Variants in HPCAL1 observed in about 807,000 individuals in gnomAD.
HPCAL1 encodes hippocalcin-like protein 1.
Under a neutral mutation model 17.1 loss-of-function variants are expected in HPCAL1, and 8 were observed. The ratio of observed to expected loss-of-function variants is 0.47; its 90% confidence interval spans 0.27 to 0.84. HPCAL1 has a LOEUF of 0.84. HPCAL1 is among the 40% of genes least tolerant of loss of function. The pLI, the probability that HPCAL1 is intolerant of heterozygous loss-of-function variation, is 0.13. For missense variants in HPCAL1, 165 were observed against 271.1 expected (o/e 0.61, Z 2.75); for synonymous variants, 112 against 111.4 (o/e 1.01, Z -0.03).
chr2:10,402,499 A>C (rs190152203), intron 2 of HPCAL1, among the ~76,000 whole-genome samples: 4 of 152,114 alleles, frequency 2.6e-5, no homozygotes, highest in African/African-American at 7.2e-5. Context: ...CACACTCTCT[A>C]TGAGTCAGAG....
Position 10,364,331 on chromosome 2 carries a change from C to T in HPCAL1, c.-110-32504C>T, listed in dbSNP as rs575144709. Reference sequence around the variant, plus strand: ...AAGGACTGGCCAGAGCCCTGAGCACCGAGAGGTGAGGGTGAGGCCCCCCCT... The same window carrying T: ...AAGGACTGGCCAGAGCCCTGAGCACTGAGAGGTGAGGGTGAGGCCCCCCCT... On this transcript the variant is annotated intron_variant, in intron 1 of 4. Coordinates refer to ENST00000307845, the MANE Select transcript of HPCAL1 (RefSeq NM_002149.4). 7.5e-4 allele frequency among the ~76,000 whole-genome samples: 114 copies of T among 152,340 alleles called. No homozygotes were observed. The South Asian group carries it at 0.021, about 28-fold the overall frequency.
At chr2:10,426,371 A>C in intron 4 of HPCAL1, 1 of 224,574 alleles carries the variant, frequency 4.5e-6, no homozygotes, top group Non-Finnish European at 9.0e-6. Flanking sequence ...TGGATTCTGT[A>C]TGGGTTAGAG....
At chr2:10,389,348 C>T (rs1668536157) in intron 1 of HPCAL1, among the ~76,000 whole-genome samples, 1 of 152,234 alleles carries the variant, frequency 6.6e-6, no homozygotes. Flanking sequence ...GGAACAGTCC[C>T]TCTGCTGCCG....
chr2:10,349,545 T>C (rs762784902), intron 1 of HPCAL1, among the ~76,000 whole-genome samples: 4 of 150,790 alleles, frequency 2.7e-5, no homozygotes, highest in Non-Finnish European at 5.9e-5. Context: ...CTACTAAATA[T>C]ACAAAAAATT....
chr2:10,308,546 C>T (rs1662766261), intron 1 of HPCAL1, among the ~76,000 whole-genome samples: 2 of 152,104 alleles, frequency 1.3e-5, no homozygotes, highest in African/African-American at 2.4e-5. Flanking sequence ...TTGGGCCTTC[C>T]TAGAGTCTTC....
intron 1 of HPCAL1, among the ~76,000 whole-genome samples, chr2:10,381,741 A>G (rs1667953649): frequency 6.6e-6 from 1 of 152,240 alleles, no homozygotes; most frequent in South Asian, 2.1e-4. Context: ...ACCGATGAGA[A>G]TGGCCCAAAT....
chr2:10,370,145 CT>C (rs1256617391), intron 1 of HPCAL1, among the ~76,000 whole-genome samples: 2 of 152,258 alleles, frequency 1.3e-5, no homozygotes, highest in Admixed American at 6.5e-5. Flanking sequence ...TGCGCACCCT[CT>C]TTCCACTCTC....
chr2:10,413,739 C>T (rs1670487309), intron 2 of HPCAL1, among the ~76,000 whole-genome samples: 1 of 152,218 alleles, frequency 6.6e-6, no homozygotes, highest in Admixed American at 6.5e-5. Flanking sequence ...ATGAGTTTGG[C>T]ATTCCAATGG....
At chr2:10,313,183 G>T (rs1274807652) in intron 1 of HPCAL1, among the ~76,000 whole-genome samples, 1 of 152,186 alleles carries the variant, frequency 6.6e-6, no homozygotes, top group Non-Finnish European at 1.5e-5. Flanking sequence ...ATTCTTTCAG[G>T]CCCAGGAGTA....
At position 10,421,591 on chromosome 2, in the gene HPCAL1, C is replaced by T. The variant is rs922179259; in HGVS notation, c.379-1392C>T. ...TGGCATGCACCTGTAGTCCCAGCTA[C>T]TTGGGAGGCTGAGATGGGAGGATTG... On this transcript the variant is annotated intron_variant, in intron 3 of 4. Transcript: ENST00000307845. Among the ~76,000 whole-genome samples, 7 of 152,208 alleles carry T rather than the reference C, an allele frequency of 4.6e-5. No individual in the cohort carries two copies. In the East Asian group the frequency reaches 1.3e-3, roughly 29 times the overall value.
intron 3 of HPCAL1, among the ~76,000 whole-genome samples, chr2:10,422,753 C>A (rs1465945346): frequency 6.6e-6 from 1 of 152,222 alleles, no homozygotes; most frequent in Admixed American, 6.5e-5. Context: ...GATACCAGCA[C>A]CCTCACCACC....
At position 10,395,084 on chromosome 2, in the gene HPCAL1, A is replaced by G. The variant is rs1180339721; in HGVS notation, c.-110-1751A>G. On this transcript the variant is annotated intron_variant, in intron 1 of 4. Coordinates refer to ENST00000307845, the MANE Select transcript of HPCAL1 (RefSeq NM_002149.4). This position sits in a 1 kb window ranked among gnomAD's most constrained non-coding sequence, Gnocchi z 4.4. The stretch of plus-strand genomic sequence containing the variant: ...AGTGCTGGGATTACAGGCGTGAACA[A>G]TGGTGTCCAGCCTAAAATCTATCTT... Among the ~76,000 whole-genome samples the G allele has an allele frequency of 1.3e-5, 2 of 150,360 alleles. No homozygotes were observed. Among genetic ancestry groups the G allele is most frequent in the Non-Finnish European group, 3.0e-5 (2 of 67,740 alleles).
At chr2:10,338,194 C>T (rs908412818) in intron 1 of HPCAL1, among the ~76,000 whole-genome samples, 1 of 151,996 alleles carries the variant, frequency 6.6e-6, no homozygotes, top group African/African-American at 2.4e-5. Flanking sequence ...GGATGGGAAG[C>T]GACTCCTAAG....
chr2:10,346,135 C>G (rs993700820), intron 1 of HPCAL1, among the ~76,000 whole-genome samples: 4 of 152,108 alleles, frequency 2.6e-5, no homozygotes, highest in Non-Finnish European at 4.4e-5. Flanking sequence ...TCAGACCCCC[C>G]TTGGTCCATC....
chr2:10,349,309 G>A (rs17434144), intron 1 of HPCAL1, among the ~76,000 whole-genome samples: 56,751 of 151,928 alleles, frequency 0.37, 11,072 homozygotes, highest in South Asian at 0.6. Flanking sequence ...TGCCCAGGTA[G>A]CCACTCTTCT....
chr2:10,311,919 C>T (rs188945676), intron 1 of HPCAL1, among the ~76,000 whole-genome samples: 36 of 151,688 alleles, frequency 2.4e-4, no homozygotes, highest in African/African-American at 8.7e-4. Flanking sequence ...CATCATCATT[C>T]CATTCATCAC....
intron 4 of HPCAL1, chr2:10,424,908 G>A: frequency 3.3e-6 from 1 of 302,320 alleles, no homozygotes; most frequent in Non-Finnish European, 6.7e-6. Context: ...CTGGGCTGAT[G>A]GGTTTCTCCA....
At chr2:10,402,363 T>G (rs1572828613) in intron 2 of HPCAL1, among the ~76,000 whole-genome samples, 1 of 152,214 alleles carries the variant, frequency 6.6e-6, no homozygotes, top group South Asian at 2.1e-4. Context: ...TGATTACACT[T>G]TGTGTGTATG....
intron 1 of HPCAL1, among the ~76,000 whole-genome samples, chr2:10,386,126 C>A (rs930633670): frequency 3.9e-5 from 6 of 152,242 alleles, no homozygotes; most frequent in Non-Finnish European, 7.3e-5. Flanking sequence ...ACACCCCAGC[C>A]TAGGTTGCTC....
Sources: allele counts gnomAD v4.1 joint callset (sites outside exome capture counted in the v4.1 genomes callset), GRCh38; gene constraint gnomAD v4.1.1; non-coding constraint Gnocchi (gnomAD v3.1); transcripts MANE v1.5; gene names NCBI Gene and HGNC (gene_info 2026-07-23, HGNC 2026-07-21).